The following RANBP2 variants were observed in gnomAD, a reference collection of about 807,000 sequenced individuals.
RANBP2 encodes the protein RAN binding protein 2.
Under a neutral mutation model 303.6 loss-of-function variants are expected in RANBP2, and 57 were observed. That is an observed-to-expected ratio of 0.19 (90% confidence interval 0.15 to 0.23). The LOEUF is 0.23. Ranked by LOEUF, RANBP2 falls within the 10% of genes least tolerant of loss-of-function variation. The pLI is 1.00. For synonymous variants in RANBP2, 1,167 were observed against 1,301.5 expected (o/e 0.90, Z 2.23); for missense variants, 3,138 against 3,780.8 (o/e 0.83, Z 4.46).
At chr2:108,932,528 CAAAAAAAAAAAAA>C in the RANBP2 span, among the ~76,000 whole-genome samples, 11 of 39,156 alleles carry the variant, frequency 2.8e-4, no homozygotes, top group South Asian at 1.1e-3. Flanking sequence ...GACTCTGTCT[CAAAAAAAAAAAAA>C]AAAAAAAAAA....
chr2:109,585,214 T>C, the RANBP2 span: 29 of 1,613,066 alleles, frequency 1.8e-5, no homozygotes, highest in East Asian at 5.1e-4. Flanking sequence ...AGTTCATATG[T>C]CTGAGCTTTA....
chr2:108,961,208 A>G, the RANBP2 span, among the ~76,000 whole-genome samples: 532 of 152,294 alleles, frequency 3.5e-3, 5 homozygotes, highest in African/African-American at 0.012. Context: ...AAGAAGACTG[A>G]CCATAATTTT....
the RANBP2 span, among the ~76,000 whole-genome samples, chr2:109,369,030 C>T: frequency 1.3e-5 from 2 of 152,084 alleles, no homozygotes; most frequent in African/African-American, 4.8e-5. Context: ...ACTCTAGTGT[C>T]CTCGTGGTGT....
the RANBP2 span, among the ~76,000 whole-genome samples, chr2:109,593,312 ATTACATATAATATTCAACAT>A: frequency 2.8e-4 from 42 of 152,196 alleles, no homozygotes; most frequent in Non-Finnish European, 4.7e-4. Flanking sequence ...ACATAAGTAA[ATTACATATAATATTCAACAT>A]ATACAGTAAT....
chr2:109,565,642 C>T, the RANBP2 span: 1 of 864,388 alleles, frequency 1.2e-6, no homozygotes, highest in East Asian at 2.4e-5. Flanking sequence ...AAATAGTACA[C>T]AGCCAATTCC....
chr2:109,635,209 G>A, the RANBP2 span, among the ~76,000 whole-genome samples: 18 of 152,094 alleles, frequency 1.2e-4, no homozygotes, highest in Non-Finnish European at 2.4e-4. Context: ...TTGAGATGGA[G>A]TCTCGCTCTG....
chr2:108,783,277 GCT>G (rs1195966429), intron 28 of RANBP2, among the ~76,000 whole-genome samples: 2 of 140,730 alleles, frequency 1.4e-5, no homozygotes, highest in East Asian at 4.2e-4. Flanking sequence ...GCTGCAGTGA[GCT>G]AGGTTTGCAC....
At chr2:109,146,544 G>A in the RANBP2 span, among the ~76,000 whole-genome samples, 1 of 152,144 alleles carries the variant, frequency 6.6e-6, no homozygotes, top group South Asian at 2.1e-4. Context: ...TTCTGTTTAG[G>A]ATCCAAGAAG....
At chr2:109,761,301 AC>A in the RANBP2 span, among the ~76,000 whole-genome samples, 1 of 150,408 alleles carries the variant, frequency 6.6e-6, no homozygotes, top group South Asian at 2.2e-4. Context: ...GGAAAAGTGA[AC>A]ATCCAGGGCG....
chr2:108,794,736 C>T, the RANBP2 span: 11 of 1,545,842 alleles, frequency 7.1e-6, no homozygotes, highest in Admixed American at 1.3e-4. Context: ...GAACTAAATA[C>T]TGAATCGAGA....
At chr2:108,972,089 G>C in the RANBP2 span, among the ~76,000 whole-genome samples, 1 of 152,252 alleles carries the variant, frequency 6.6e-6, no homozygotes, top group Non-Finnish European at 1.5e-5. Flanking sequence ...CCTCAGGAAG[G>C]ACACTGAGCC....
At chr2:108,730,338 G>C (rs1022106292) in intron 2 of RANBP2, among the ~76,000 whole-genome samples, 1 of 150,766 alleles carries the variant, frequency 6.6e-6, no homozygotes, top group Non-Finnish European at 1.5e-5. Flanking sequence ...TTACTTTCTT[G>C]CTTAAAGGGT....
the RANBP2 span, among the ~76,000 whole-genome samples, chr2:109,031,191 C>G: frequency 6.6e-6 from 1 of 152,116 alleles, no homozygotes; most frequent in African/African-American, 2.4e-5. Flanking sequence ...TAGCCATTTC[C>G]TTTTCACCGT....
At chr2:109,504,260 C>G in the RANBP2 span, 1 of 152,232 alleles carries the variant, frequency 6.6e-6, no homozygotes, top group Non-Finnish European at 1.5e-5. Flanking sequence ...CATGTAGTGG[C>G]CTTGGGGGGC....
Position 108,764,314 on chromosome 2 carries a change from G to C in RANBP2, c.3775G>C (p.Gly1259Arg). ...SPDMKLTPNA[G>R]SDRSFVWHAL... ...AGATATGAAATTGACACCAAATGCT[G>C]GATCAGACAGATCTTTTGTATGGCA... is the stretch of plus-strand genomic sequence containing the variant. The change falls in exon 20 of 29, where the codon GGA becomes CGA. Residue 1259 changes from glycine (G) to arginine (R), a missense_variant. Gly to Arg is a moderately radical substitution (Grantham distance 125). Around this residue, in one of 20 missense-constraint regions of RANBP2, gnomAD observed 72 missense variants for 119.5 expected, o/e 0.60. Coordinates refer to ENST00000283195, the MANE Select transcript of RANBP2 (RefSeq NM_006267.5). 6.2e-7 allele frequency: 1 copy of C among 1,613,678 alleles called. No homozygotes were observed. Among genetic ancestry groups the C allele is most frequent in the Non-Finnish European group, 8.5e-7 (1 of 1,179,960 alleles).
the RANBP2 span, among the ~76,000 whole-genome samples, chr2:108,870,882 G>A: frequency 6.6e-6 from 1 of 152,140 alleles, no homozygotes; most frequent in African/African-American, 2.4e-5. Context: ...AAAAAACTCT[G>A]GAGATGGATG....
chr2:108,872,288 C>G, the RANBP2 span, among the ~76,000 whole-genome samples: 1 of 152,096 alleles, frequency 6.6e-6, no homozygotes, highest in Non-Finnish European at 1.5e-5. Context: ...CCTTCTCATA[C>G]GCAGAATACA....
At chr2:108,903,313 T>C in the RANBP2 span, among the ~76,000 whole-genome samples, 1 of 152,140 alleles carries the variant, frequency 6.6e-6, no homozygotes, top group Non-Finnish European at 1.5e-5. Flanking sequence ...TGTCAAATCT[T>C]CCCAGATTGA....
the RANBP2 span, among the ~76,000 whole-genome samples, chr2:109,156,518 T>C: frequency 1.3e-5 from 2 of 152,100 alleles, no homozygotes; most frequent in Non-Finnish European, 2.9e-5. Context: ...CAATCTTGGC[T>C]CACTGCAGCC....
Sources: gnomAD v4.1 joint callset for allele counts (sites outside exome capture counted in the v4.1 genomes callset) on GRCh38, gnomAD v4.1.1 for gene constraint, gnomAD v4.1.1 regional missense constraint, MANE v1.5 for transcripts, NCBI Gene and HGNC (gene_info 2026-07-23, HGNC 2026-07-21) for gene names.